Variants in NAALADL2 observed in about 807,000 individuals in gnomAD.
The protein encoded by NAALADL2 is inactive N-acetylated-alpha-linked acidic dipeptidase-like protein 2.
NAALADL2 carries 76 observed loss-of-function variants against 87.2 expected under a neutral mutation model. That is an observed-to-expected ratio of 0.87 (90% CI 0.72 to 1.05). The LOEUF (loss-of-function observed/expected upper bound fraction) is 1.05, where lower values mean the gene tolerates loss of function less well. NAALADL2 is among the 50% of genes least tolerant of loss of function. The probability of loss-of-function intolerance (pLI) is 0.00; values close to 1 mark genes in which losing one functional copy is unlikely to be tolerated. For synonymous variants in NAALADL2, 354 were observed against 331.0 expected, an observed-to-expected ratio of 1.07 and a Z score of -0.75; for missense variants, 1,089 against 945.8, an observed-to-expected ratio of 1.15 and a Z score of -1.99.
intron 1 of NAALADL2, among the ~76,000 whole-genome samples, chr3:175,039,253 G>C (rs1294794742): frequency 6.6e-6 from 1 of 152,094 alleles, no homozygotes; most frequent in African/African-American, 2.4e-5. Context: ...TGCAACCTCT[G>C]CCTCCTGGGT....
chr3:175,660,775 T>C (rs772585365), intron 11 of NAALADL2, among the ~76,000 whole-genome samples: 2 of 152,152 alleles, frequency 1.3e-5, no homozygotes, highest in Non-Finnish European at 2.9e-5. Flanking sequence ...TTTCTGTTCC[T>C]AGCTTATTTC....
intron 2 of NAALADL2, among the ~76,000 whole-genome samples, chr3:175,140,093 G>T (rs867719361): frequency 2.0e-5 from 3 of 152,092 alleles, no homozygotes; most frequent in Non-Finnish European, 4.4e-5. Context: ...TTGAATCTTA[G>T]CTCTGTCTGT....
chr3:174,936,812 G>C (rs1230798707), intron 1 of NAALADL2, among the ~76,000 whole-genome samples: 1 of 152,134 alleles, frequency 6.6e-6, no homozygotes, highest in Non-Finnish European at 1.5e-5. Context: ...GTCACACCTG[G>C]TTGCTATTTA....
At chr3:174,633,438 C>G (rs115526323) in intron 2 of NAALADL2, among the ~76,000 whole-genome samples, 1 of 152,146 alleles carries the variant, frequency 6.6e-6, no homozygotes, top group Non-Finnish European at 1.5e-5. Flanking sequence ...TTTTATCCAT[C>G]TTGAATTTCA....
intron 1 of NAALADL2, among the ~76,000 whole-genome samples, chr3:175,006,670 C>G (rs1381330449): frequency 6.6e-6 from 1 of 150,788 alleles, no homozygotes; most frequent in Non-Finnish European, 1.5e-5. Context: ...TGTTTTTCTG[C>G]TAAGTGTATA....
chr3:174,641,763 T>A (rs1422117885), intron 2 of NAALADL2, among the ~76,000 whole-genome samples: 2 of 35,184 alleles, frequency 5.7e-5, no homozygotes, highest in Non-Finnish European at 9.1e-5. Context: ...TTTCAGAAAT[T>A]TTTTTTTGTA....
chr3:175,631,356 C>G (rs1390022955), intron 11 of NAALADL2, among the ~76,000 whole-genome samples: 1 of 151,368 alleles, frequency 6.6e-6, no homozygotes, highest in Non-Finnish European at 1.5e-5. Context: ...TCCCAAGTGA[C>G]ATACATTAAG....
At chr3:175,551,990 T>C (rs1373157776) in intron 9 of NAALADL2, among the ~76,000 whole-genome samples, 1 of 152,176 alleles carries the variant, frequency 6.6e-6, no homozygotes, top group East Asian at 1.9e-4. Context: ...GTGATAAATG[T>C]AGAAATTTAA....
intron 2 of NAALADL2, among the ~76,000 whole-genome samples, chr3:175,149,734 C>G (rs13075104): frequency 0.3 from 45,694 of 152,034 alleles, 7,088 homozygotes; most frequent in South Asian, 0.35. Flanking sequence ...CTATCAGTAG[C>G]ACCAAAGTGG....
intron 2 of NAALADL2, among the ~76,000 whole-genome samples, chr3:175,133,047 G>GGGC (rs1250780031): frequency 7.3e-5 from 11 of 149,872 alleles, no homozygotes; most frequent in African/African-American, 2.7e-4. Context: ...ATCCCAGACG[G>GGGC]GGCGGCGGGG....
intron 10 of NAALADL2, among the ~76,000 whole-genome samples, chr3:175,588,030 G>A (rs1459006546): frequency 6.6e-6 from 1 of 151,806 alleles, no homozygotes; most frequent in East Asian, 1.9e-4. Context: ...TTGATCAAAA[G>A]GGGAGTTGTG....
At chr3:175,501,123 A>G (rs1250001478) in intron 9 of NAALADL2, among the ~76,000 whole-genome samples, 1 of 152,112 alleles carries the variant, frequency 6.6e-6, no homozygotes, top group African/African-American at 2.4e-5. Flanking sequence ...TCAGGAATTG[A>G]ATAAGAGAAC....
chr3:174,863,363 C>G (rs1239012837), intron 1 of NAALADL2, among the ~76,000 whole-genome samples: 2 of 151,964 alleles, frequency 1.3e-5, no homozygotes, highest in African/African-American at 4.8e-5. Context: ...AAAGCATTGT[C>G]GAGTATTCAG....
At chr3:175,490,096 T>C (rs1328293933) in intron 9 of NAALADL2, among the ~76,000 whole-genome samples, 2 of 152,112 alleles carry the variant, frequency 1.3e-5, no homozygotes, top group African/African-American at 2.4e-5. Context: ...GATGGACACA[T>C]TACAAAAACA....
chr3:174,864,842 G>C (rs1400424429), intron 1 of NAALADL2, among the ~76,000 whole-genome samples: 1 of 151,970 alleles, frequency 6.6e-6, no homozygotes, highest in African/African-American at 2.4e-5. Context: ...AACCAAACAT[G>C]TATTTGATTT....
chr3:174,810,233 A>AGCTG (rs1462962456), intron 3 of NAALADL2, among the ~76,000 whole-genome samples: 6 of 152,170 alleles, frequency 3.9e-5, no homozygotes, highest in African/African-American at 1.4e-4. Context: ...GCGACTTTTG[A>AGCTG]GCTGGGTAAT....
At chr3:175,144,047 A>T (rs1730407053) in intron 2 of NAALADL2, among the ~76,000 whole-genome samples, 1 of 151,972 alleles carries the variant, frequency 6.6e-6, no homozygotes, top group Non-Finnish European at 1.5e-5. Flanking sequence ...TTTTTAAAAG[A>T]ACTTAAAATA....
chr3:175,674,290 A>G (rs963210247), intron 11 of NAALADL2, among the ~76,000 whole-genome samples: 7 of 145,246 alleles, frequency 4.8e-5, no homozygotes, highest in Non-Finnish European at 1.0e-4. Context: ...GTTGGAGTCT[A>G]TCTCTGTCGC....
chr3:175,727,341 C>A (rs1743075690), intron 11 of NAALADL2, among the ~76,000 whole-genome samples: 1 of 152,132 alleles, frequency 6.6e-6, no homozygotes, highest in Non-Finnish European at 1.5e-5. Flanking sequence ...ATCCAAAATG[C>A]TGTTTTCAAG....
Sources: gnomAD v4.1 joint callset for allele counts (sites outside exome capture counted in the v4.1 genomes callset) on GRCh38, gnomAD v4.1.1 for gene constraint, MANE v1.5 for transcripts, NCBI Gene and HGNC (gene_info 2026-07-23, HGNC 2026-07-21) for gene names.